SSBP2: variants seen among roughly 807,000 people sequenced by gnomAD.
The protein encoded by SSBP2 is single-stranded DNA-binding protein 2.
A neutral mutation model predicts 61.8 loss-of-function variants in SSBP2; 17 were observed. That is an observed-to-expected ratio of 0.28 (90% CI 0.19 to 0.41). SSBP2 has a LOEUF of 0.41. SSBP2 is among the 10% of genes least tolerant of loss of function. SSBP2 has a pLI of 1.00. For missense variants in SSBP2, 310 were observed against 458.7 expected, an observed-to-expected ratio of 0.68 and a Z score of 2.96; for synonymous variants, 139 against 141.3, an observed-to-expected ratio of 0.98 and a Z score of 0.12.
At chr5:81,651,725 A>T (rs530231101) in intron 1 of SSBP2, among the ~76,000 whole-genome samples, 2 of 152,136 alleles carry the variant, frequency 1.3e-5, no homozygotes, top group Non-Finnish European at 2.9e-5. Flanking sequence ...AGTACATCAT[A>T]AGGGATACAG....
At chr5:81,748,646 A>G (rs547867932) in intron 1 of SSBP2, among the ~76,000 whole-genome samples, 2 of 152,220 alleles carry the variant, frequency 1.3e-5, no homozygotes, top group African/African-American at 4.8e-5. Context: ...ACCTATATTT[A>G]AGTTCATAAG....
intron 1 of SSBP2, among the ~76,000 whole-genome samples, chr5:81,744,905 CT>C (rs1271411142): frequency 6.6e-6 from 1 of 151,900 alleles, no homozygotes; most frequent in Admixed American, 6.6e-5. Flanking sequence ...TGAAGTTTGT[CT>C]TTAAAAAAAA....
chr5:81,553,938 T>C (rs1772398919), intron 4 of SSBP2, among the ~76,000 whole-genome samples: 1 of 152,062 alleles, frequency 6.6e-6, no homozygotes, highest in Non-Finnish European at 1.5e-5. Context: ...CACTGATTTT[T>C]GGCTGAGACC....
intron 4 of SSBP2, among the ~76,000 whole-genome samples, chr5:81,537,012 A>G (rs1770859395): frequency 6.6e-6 from 1 of 152,148 alleles, no homozygotes; most frequent in South Asian, 2.1e-4. Flanking sequence ...TCAAAAAAAA[A>G]AAAAATTGTA....
chr5:81,422,131 A>G (rs913166364), intron 16 of SSBP2, among the ~76,000 whole-genome samples: 3 of 152,180 alleles, frequency 2.0e-5, no homozygotes, highest in Admixed American at 6.5e-5. Context: ...AAAAAGGCAG[A>G]TAAAGTCAAA....
intron 4 of SSBP2, among the ~76,000 whole-genome samples, chr5:81,547,782 T>TA (rs1771851423): frequency 6.6e-6 from 1 of 152,080 alleles, no homozygotes; most frequent in Non-Finnish European, 1.5e-5. Flanking sequence ...TTAGAAAACT[T>TA]AAATGCATAT....
intron 1 of SSBP2, among the ~76,000 whole-genome samples, chr5:81,715,815 G>A (rs1449889657): frequency 2.0e-5 from 3 of 152,168 alleles, no homozygotes; most frequent in African/African-American, 4.8e-5. Context: ...CCAACTCTTA[G>A]GAAGGCCGAG....
intron 14 of SSBP2, chr5:81,437,907 T>C (rs902854765): frequency 6.6e-6 from 1 of 152,228 alleles, no homozygotes; most frequent in African/African-American, 2.4e-5. Context: ...TAATTTACTA[T>C]AATAACCAAA....
At chr5:81,602,297 C>T (rs543607585) in intron 4 of SSBP2, among the ~76,000 whole-genome samples, 9 of 152,268 alleles carry the variant, frequency 5.9e-5, no homozygotes, top group Non-Finnish European at 1.0e-4. Flanking sequence ...TAGGTTTCTA[C>T]GCATCAATTT....
intron 1 of SSBP2, among the ~76,000 whole-genome samples, chr5:81,682,740 T>C (rs1211132500): frequency 1.3e-5 from 2 of 152,062 alleles, no homozygotes; most frequent in Non-Finnish European, 2.9e-5. Context: ...TGTTCACAGA[T>C]GACATAATCA....
rs555263504 is a variant in SSBP2, at chr5:81,448,799, C to A, written c.714G>T (p.Gly238=). The change falls in exon 11 of 17, where the codon GGG becomes GGT. Residue 238 remains glycine (G), a synonymous_variant. Coordinates refer to ENST00000320672, the MANE Select transcript of SSBP2 (RefSeq NM_012446.5). ...ACCCAAATGTACTTACTACATAATT[C>A]CCAGGAGATGCTGAGGAGTATGGTA... The A allele has an allele frequency of 2.7e-5, 43 of 1,612,830 alleles. 1 individual carries two copies. The South Asian group carries it at 4.2e-4, about 16-fold the overall frequency.
In SSBP2 at chr5:81,416,039, A is replaced by G. The variant is rs1761299803; in HGVS notation, c.*4465T>C. 1 of 151,906 alleles carries G rather than the reference A, an allele frequency of 6.6e-6. No individual in the cohort carries two copies. Among genetic ancestry groups the G allele is most frequent in the Non-Finnish European group, 1.5e-5 (1 of 68,100 alleles). 9.4% of individuals were successfully genotyped at this position (151,906 alleles called of 1,614,324 possible). A position where few individuals can be genotyped will look rare whatever the true frequency, so the allele number is the denominator to read the frequency against. On this transcript the variant is annotated 3_prime_UTR_variant, in exon 17 of 17. Transcript: ENST00000320672. Reference sequence around the variant, plus strand: ...GGAGTTCCAGACCAGCCTGGCCAACATGGTGAAACCCTGCCTCTACTAAAA... The same window carrying G: ...GGAGTTCCAGACCAGCCTGGCCAACGTGGTGAAACCCTGCCTCTACTAAAA...
intron 4 of SSBP2, among the ~76,000 whole-genome samples, chr5:81,527,901 TAAA>T (rs57104850): frequency 2.4e-5 from 3 of 126,862 alleles, no homozygotes; most frequent in Non-Finnish European, 3.5e-5. Context: ...CTTAAAGTAG[TAAA>T]AAAAAAAAAA....
At chr5:81,618,189 T>C (rs890442412) in intron 3 of SSBP2, among the ~76,000 whole-genome samples, 3 of 79,000 alleles carry the variant, frequency 3.8e-5, no homozygotes, top group Non-Finnish European at 8.1e-5. Context: ...CCCATCAGTG[T>C]GCTGTATTCA....
intron 2 of SSBP2, among the ~76,000 whole-genome samples, chr5:81,640,938 TC>T (rs1243056965): frequency 2.0e-5 from 3 of 152,354 alleles, no homozygotes; most frequent in Admixed American, 2.0e-4. Context: ...ACCATCCTAA[TC>T]ATATGACCAG....
intron 4 of SSBP2, among the ~76,000 whole-genome samples, chr5:81,557,317 G>A (rs1026237818): frequency 5.3e-5 from 8 of 152,110 alleles, no homozygotes; most frequent in Non-Finnish European, 8.8e-5. Flanking sequence ...ATGCATTGGT[G>A]TATTTTTCTT....
At chr5:81,593,199 A>G (rs1338034237) in intron 4 of SSBP2, among the ~76,000 whole-genome samples, 1 of 152,242 alleles carries the variant, frequency 6.6e-6, no homozygotes, top group Non-Finnish European at 1.5e-5. Context: ...CAAATGCAGA[A>G]GCCTCAGTAG....
chr5:81,438,362 A>G (rs1257002007), intron 14 of SSBP2, among the ~76,000 whole-genome samples: 1 of 152,008 alleles, frequency 6.6e-6, no homozygotes, highest in African/African-American at 2.4e-5. Flanking sequence ...AAAAAAAAAA[A>G]AAAGAAATAG....
chr5:81,613,371 T>A (rs1240146527), intron 4 of SSBP2, among the ~76,000 whole-genome samples: 1 of 152,224 alleles, frequency 6.6e-6, no homozygotes. Context: ...CTAATGCTCA[T>A]TTCCAAAACC....
Sources: gnomAD v4.1 joint callset for allele counts (sites outside exome capture counted in the v4.1 genomes callset) on GRCh38, gnomAD v4.1.1 for gene constraint, MANE v1.5 for transcripts, NCBI Gene and HGNC (gene_info 2026-07-23, HGNC 2026-07-21) for gene names.